The following NTAQ1 variants were observed in gnomAD, a reference collection of about 807,000 sequenced individuals.
NTAQ1 encodes N-terminal glutamine amidase 1, also known as protein N-terminal glutamine amidohydrolase.
Under a neutral mutation model 28.2 loss-of-function variants are expected in NTAQ1, and 21 were observed. The observed-to-expected ratio is 0.74, with a 90% confidence interval of 0.53 to 1.07. The LOEUF is 1.07. Ranked by LOEUF, NTAQ1 falls within the 50% of genes least tolerant of loss-of-function variation. The pLI is 0.00. For synonymous variants in NTAQ1, 105 were observed against 90.0 expected, an observed-to-expected ratio of 1.17 and a Z score of -0.94; for missense variants, 264 against 256.6, an observed-to-expected ratio of 1.03 and a Z score of -0.20.
In NTAQ1 at chr8:123,437,220, G is replaced by A. The variant is rs1814772838; in HGVS notation, c.394G>A (p.Val132Met). Residue 132 changes from valine (V) to methionine (M), a missense_variant, in exon 5 of 6, where the codon GTG (valine) becomes ATG (methionine). Val to Met is a conservative substitution (Grantham distance 21, BLOSUM62 1). Coordinates refer to ENST00000287387, the MANE Select transcript of NTAQ1 (RefSeq NM_018024.3). ...TTGATTTTTCTGCAGGAAATTTAGA[G>A]TGATCCGTGCAGATTCATATTTGAA... ...IHPQFRRKFRVIRADSYLKNF... is the reference protein window; with the variant it reads ...IHPQFRRKFRMIRADSYLKNF... The A allele has an allele frequency of 6.2e-7, 1 of 1,613,630 alleles. No individual in the cohort carries two copies. The highest frequency in any genetic ancestry group is 1.3e-5 in the African/African-American group (1 of 74,880).
At chr8:123,419,739 C>CCTCCCTCCCTCT (rs769859694) in intron 1 of NTAQ1, among the ~76,000 whole-genome samples, 32,664 of 96,958 alleles carry the variant, frequency 0.34, 5,097 homozygotes, top group East Asian at 0.61. Context: ...CACAGCCCTC[C>CCTCCCTCCCTCT]CTCCCTCCCT....
rs556901875 is a variant in NTAQ1 at position 123,466,727 on chromosome 8, G to C, written c.373-352G>C. ...TGAGATCTTGTTTTCAGTTCTTTTG[G>C]ATATATACCAAGGAATGGGATTGCT... On this transcript the variant is annotated intron_variant, in intron 6 of 6. Transcript: ENST00000650311. Among the ~76,000 whole-genome samples the C allele has an allele frequency of 2.0e-5, 3 of 152,218 alleles. No individual in the cohort carries two copies. The South Asian group carries it at 6.2e-4, about 32-fold the overall frequency.
chr8:123,440,593 A>G (rs1586953214), intron 5 of NTAQ1, among the ~76,000 whole-genome samples: 1 of 150,076 alleles, frequency 6.7e-6, no homozygotes, highest in Non-Finnish European at 1.5e-5. Context: ...TCCAACTCCC[A>G]GGTTCAAGCA....
downstream of NTAQ1, among the ~76,000 whole-genome samples, chr8:123,473,448 A>G (rs772492718): frequency 2.0e-5 from 3 of 152,152 alleles, no homozygotes; most frequent in South Asian, 6.2e-4. Flanking sequence ...GGCACATGCC[A>G]CCACACCTGG....
chr8:123,447,720 G>T (rs572097481), intron 6 of NTAQ1, among the ~76,000 whole-genome samples: 4 of 152,102 alleles, frequency 2.6e-5, no homozygotes, highest in Non-Finnish European at 5.9e-5. Flanking sequence ...TACATTCATT[G>T]TGCCTCTTTC....
At position 123,441,601 on chromosome 8, in the gene NTAQ1, T is replaced by C. The variant is rs1460735824; in HGVS notation, c.*186T>C. ...CAACATAAAAACTTTTGTTTTGACA[T>C]GTCAAATTGAAACTTGATAAAGTGC... On this transcript the variant is annotated 3_prime_UTR_variant, in exon 6 of 6. Transcript: ENST00000287387. 2 of 614,188 alleles carry C rather than the reference T, an allele frequency of 3.3e-6. No homozygotes were observed. The highest frequency in any genetic ancestry group is 5.7e-6 in the Non-Finnish European group (2 of 349,548). The allele number at this position is 614,188 out of a possible 1,614,324, so 38.0% of individuals were successfully genotyped here.
intron 1 of NTAQ1, among the ~76,000 whole-genome samples, chr8:123,421,135 G>A (rs867844999): frequency 2.0e-4 from 31 of 152,108 alleles, no homozygotes; most frequent in Middle Eastern, 3.4e-3. Context: ...CCAGGCTGGA[G>A]TGCAGTGGTG....
At chr8:123,455,064 C>T (rs1301167856) in intron 6 of NTAQ1, 2 of 152,190 alleles carry the variant, frequency 1.3e-5, no homozygotes, top group Non-Finnish European at 2.9e-5. Context: ...ATAATCACGC[C>T]TCGGATAAAC....
At chr8:123,460,838 G>A (rs1399196464) in intron 6 of NTAQ1, among the ~76,000 whole-genome samples, 1 of 152,152 alleles carries the variant, frequency 6.6e-6, no homozygotes, top group African/African-American at 2.4e-5. Flanking sequence ...TGTATTGGCT[G>A]AACGTTGCAA....
intron 6 of NTAQ1, among the ~76,000 whole-genome samples, chr8:123,466,604 G>GTTT (rs1038855980): frequency 2.6e-5 from 4 of 152,206 alleles, no homozygotes; most frequent in Non-Finnish European, 4.4e-5. Flanking sequence ...GCCTGCAATT[G>GTTT]TTTTCATCTG....
chr8:123,420,630 C>A (rs1813624063), intron 1 of NTAQ1, among the ~76,000 whole-genome samples: 1 of 127,748 alleles, frequency 7.8e-6, no homozygotes, highest in South Asian at 2.7e-4. Context: ...CTCACTCTGT[C>A]ACCTAGGCTT....
intron 3 of NTAQ1, among the ~76,000 whole-genome samples, chr8:123,431,697 T>C (rs1215873340): frequency 1.3e-5 from 2 of 152,134 alleles, no homozygotes; most frequent in African/African-American, 2.4e-5. Flanking sequence ...AGGCCTCTCA[T>C]TGGTCAGCTG....
intron 1 of NTAQ1, among the ~76,000 whole-genome samples, chr8:123,418,319 C>T (rs1457308946): frequency 2.6e-5 from 4 of 151,950 alleles, no homozygotes; most frequent in African/African-American, 4.8e-5. Flanking sequence ...GGTGTGGTGG[C>T]GTGCACCTGT....
chr8:123,438,484 C>T (rs1426324893), intron 5 of NTAQ1, among the ~76,000 whole-genome samples: 2 of 151,942 alleles, frequency 1.3e-5, no homozygotes, highest in African/African-American at 4.8e-5. Context: ...GGTGAAACTC[C>T]GTCTCTACTA....
chr8:123,423,961 C>T, intron 1 of NTAQ1, among the ~76,000 whole-genome samples: 1 of 151,500 alleles, frequency 6.6e-6, no homozygotes, highest in East Asian at 1.9e-4. Context: ...TGGCTTATTA[C>T]AACCTCTGCC....
intron 6 of NTAQ1, among the ~76,000 whole-genome samples, chr8:123,465,342 T>C (rs1295902648): frequency 1.3e-5 from 2 of 152,134 alleles, no homozygotes; most frequent in African/African-American, 4.8e-5. Context: ...TTGTCACACA[T>C]ATAGATATGT....
intron 6 of NTAQ1, among the ~76,000 whole-genome samples, chr8:123,461,951 A>G (rs1815835245): frequency 6.6e-6 from 1 of 152,132 alleles, no homozygotes; most frequent in Non-Finnish European, 1.5e-5. Context: ...AAATTACAGA[A>G]CTTAAAAAAT....
intron 3 of NTAQ1, among the ~76,000 whole-genome samples, chr8:123,434,249 G>A (rs1814568168): frequency 6.6e-6 from 1 of 152,028 alleles, no homozygotes; most frequent in Non-Finnish European, 1.5e-5. Context: ...ACTTCTTGAG[G>A]GTGAGAACTT....
At chr8:123,437,724 A>C (rs1231088091) in intron 5 of NTAQ1, among the ~76,000 whole-genome samples, 2 of 151,348 alleles carry the variant, frequency 1.3e-5, no homozygotes, top group African/African-American at 4.9e-5. Flanking sequence ...AAAACAAAAA[A>C]CAAAAAACAA....
Sources: allele counts gnomAD v4.1 joint callset (sites outside exome capture counted in the v4.1 genomes callset), GRCh38; gene constraint gnomAD v4.1.1; transcripts MANE v1.5; gene names NCBI Gene and HGNC (gene_info 2026-07-23, HGNC 2026-07-21).